The following MESD variants were observed in gnomAD, a reference collection of about 807,000 sequenced individuals.
MESD encodes the protein mesoderm development LRP chaperone.
Under a neutral mutation model 12.9 loss-of-function variants are expected in MESD, and 7 were observed. The ratio of observed to expected loss-of-function variants is 0.54; its 90% CI spans 0.31 to 1.02. The LOEUF (loss-of-function observed/expected upper bound fraction) is 1.02. MESD is among the 50% of genes least tolerant of loss of function. The probability of loss-of-function intolerance (pLI) is 0.05; values close to 1 mark genes in which losing one functional copy is unlikely to be tolerated. For synonymous variants in MESD, 126 were observed against 115.6 expected (o/e 1.09, Z -0.58); for missense variants, 342 against 296.7 (o/e 1.15, Z -1.12).
Position 80,981,997 on chromosome 15 carries a change from C to T in MESD, c.399G>A (p.Thr133=), listed in dbSNP as rs373617176. Residue 133 remains threonine (T), a synonymous_variant, in exon 2 of 3, where the codon ACG becomes ACA. Coordinates refer to ENST00000261758, the MANE Select transcript of MESD (RefSeq NM_015154.3). ...TGAAAAGGCTGCCCTGCCAGAGGCT[C>T]GTAATTTCCTCTGTCTCCTTCTCAG... The part of the protein sequence containing the change: ...SPTEKETEEI[T]SLWQGSLFNA... 43 of 1,614,048 alleles carry T rather than the reference C, an allele frequency of 2.7e-5. No individual in the cohort carries two copies. The highest frequency in any genetic ancestry group is 3.4e-5 in the Non-Finnish European group (40 of 1,180,040).
chr15:80,981,454 A>C (rs893307764), intron 2 of MESD, among the ~76,000 whole-genome samples: 109 of 151,056 alleles, frequency 7.2e-4, no homozygotes, highest in Admixed American at 1.2e-3. Context: ...AAAAAAAAAA[A>C]AACAAACTAG....
At chr15:80,981,876 C>A (rs1438281424) in intron 2 of MESD, 74 bp downstream of exon 2, 6 of 1,069,842 alleles carry the variant, frequency 5.6e-6, no homozygotes, top group African/African-American at 3.2e-5. Flanking sequence ...TCATCATCAT[C>A]ATAATTAATA....
chr15:80,964,150 G>A lies in MESD; in HGVS notation c.*289-11854C>T, dbSNP rs889892800. Among the ~76,000 whole-genome samples the A allele has an allele frequency of 1.1e-4, 16 of 152,240 alleles. No individual in the cohort carries two copies. In the East Asian group the frequency reaches 2.7e-3, roughly 26 times the overall value. On this transcript the variant is annotated intron_variant, in intron 3 of 4. Coordinates refer to the MESD transcript ENST00000561312. ...CAAAGTCTCAGTATACAAAATGAAC[G>A]TGCAAAAATCACAAGCATTCCTATA...
At chr15:80,951,465 G>A (rs1159723860) in intron 4 of MESD, 1 of 152,580 alleles carries the variant, frequency 6.6e-6, no homozygotes, top group South Asian at 2.1e-4. Context: ...GGAAAGCAAC[G>A]CTCCTCTGAA....
At chr15:80,954,219 C>T (rs539779659) in intron 3 of MESD, among the ~76,000 whole-genome samples, 2 of 152,304 alleles carry the variant, frequency 1.3e-5, no homozygotes, top group South Asian at 2.1e-4. Flanking sequence ...CTTGATATTG[C>T]GCCCCCTGTC....
At chr15:80,952,617 C>T (rs1254195039) in intron 3 of MESD, among the ~76,000 whole-genome samples, 1 of 149,210 alleles carries the variant, frequency 6.7e-6, no homozygotes, top group African/African-American at 2.5e-5. Context: ...AACTATGTCT[C>T]GTGTGTGTGT....
rs1240321364 is a variant in MESD, at chr15:80,989,776, A to C, written c.16T>G (p.Trp6Gly). The C allele has an allele frequency of 2.5e-6, 4 of 1,586,186 alleles. No individual in the cohort carries two copies. Among genetic ancestry groups the C allele is most frequent in the Non-Finnish European group, 8.5e-7 (1 of 1,173,412 alleles). Reference protein sequence around the residue: MAASRWARKAVVLLCA... With the variant: MAASRGARKAVVLLCA... ...AGCAGGACCACGGCCTTGCGCGCCC[A>C]CCTGGAAGCCGCCATTTTCGCTGCG... Residue 6 changes from tryptophan (W) to glycine (G), a missense_variant, in exon 1 of 3, where the codon TGG becomes GGG. Transcript: ENST00000261758.
intron 2 of MESD, among the ~76,000 whole-genome samples, chr15:80,981,679 A>G (rs898595434): frequency 2.0e-5 from 3 of 151,500 alleles, no homozygotes; most frequent in Non-Finnish European, 2.9e-5. Context: ...AACATGGTGA[A>G]ACCCTGTCTC....
At chr15:80,948,712 G>C in exon 5 of MESD, 1 of 1,580,574 alleles carries the variant, frequency 6.3e-7, no homozygotes, top group Non-Finnish European at 8.7e-7. Context: ...GGCGTGGGGG[G>C]CTGGCGATGG....
intron 3 of MESD, among the ~76,000 whole-genome samples, chr15:80,958,770 T>C (rs1047322398): frequency 6.6e-6 from 1 of 152,198 alleles, no homozygotes. Context: ...TTCAATGTGA[T>C]CAGGTTGGGA....
At position 80,979,207 on chromosome 15, in the gene MESD, A is replaced by T. The variant is rs772114599; in HGVS notation, c.*12T>A. ...TCCACCTGTCCCCCCACAGCGCGTC[A>T]CTGCTGCCCCATCACAGGTCTTCTC... On this transcript the variant is annotated 3_prime_UTR_variant, in exon 3 of 3. Coordinates refer to ENST00000261758, the MANE Select transcript of MESD (RefSeq NM_015154.3). 6.2e-7 allele frequency: 1 copy of T among 1,610,440 alleles called. No homozygotes were observed. Among genetic ancestry groups the T allele is most frequent in the Admixed American group, 1.7e-5 (1 of 59,618 alleles).
chr15:80,974,599 C>T (rs1203800911), downstream of MESD, among the ~76,000 whole-genome samples: 1 of 122,302 alleles, frequency 8.2e-6, no homozygotes, highest in African/African-American at 3.3e-5. Flanking sequence ...TGTATCAGAG[C>T]TAAAAAAAAA....
downstream of MESD, among the ~76,000 whole-genome samples, chr15:80,972,432 TG>T (rs1238474017): frequency 6.6e-6 from 1 of 152,206 alleles, no homozygotes; most frequent in African/African-American, 2.4e-5. Context: ...CTGGGTCAGA[TG>T]CCCACCTCTG....
In MESD at chr15:80,979,144, C is replaced by T. The variant is rs113118472; in HGVS notation, c.*75G>A. ...CATCCGGTGTGCAGTTGCCTGAGAC[C>T]ACTCCCACCCCAGGAGCTGGGCAAA... is the stretch of plus-strand genomic sequence containing the variant. On this transcript the variant is annotated 3_prime_UTR_variant, in exon 3 of 3. Coordinates refer to ENST00000261758, the MANE Select transcript of MESD (RefSeq NM_015154.3). 67 of 1,543,198 alleles carry T rather than the reference C, an allele frequency of 4.3e-5. 1 individual carries two copies. In the African/African-American group the frequency reaches 8.4e-4, roughly 19 times the overall value.
chr15:80,971,467 G>T (rs1902287100), downstream of MESD, among the ~76,000 whole-genome samples: 1 of 152,092 alleles, frequency 6.6e-6, no homozygotes, highest in Non-Finnish European at 1.5e-5. Context: ...CAGTTAATAA[G>T]AATCCCCCTG....
At chr15:80,948,706 T>G in exon 5 of MESD, 2 of 1,559,910 alleles carry the variant, frequency 1.3e-6, no homozygotes, top group African/African-American at 1.4e-5. Context: ...CTGGTGGGCG[T>G]GGGGGGCTGG....
Position 80,989,639 on chromosome 15 carries a change from C to T in MESD, c.153G>A (p.Lys51=). Residue 51 remains lysine (K), a synonymous_variant, in exon 1 of 3, where the codon AAG becomes AAA. Transcript: ENST00000261758. ...CATTGTAATCGCGAATATCCTTCTT[C>T]TTCTTCCGGGGAGGTGGGGTAGACT... is the stretch of plus-strand genomic sequence containing the variant. ...PDESTPPPRK[K]KKDIRDYNDA... 1.2e-6 allele frequency: 2 copies of T among 1,614,046 alleles called. No homozygotes were observed. Among genetic ancestry groups the T allele is most frequent in the Non-Finnish European group, 1.7e-6 (2 of 1,180,034 alleles).
intron 4 of MESD, chr15:80,949,151 A>G: frequency 1.7e-6 from 1 of 599,564 alleles, no homozygotes; most frequent in South Asian, 1.9e-5. Context: ...CCAATGCTGG[A>G]AACATTCACT....
At position 80,979,452 on chromosome 15, in the gene MESD, T is replaced by C. The variant is rs773219081; in HGVS notation, c.472A>G (p.Ile158Val). The part of the protein sequence containing the change: ...QRFIVGSDRA[I>V]FMLRDGSYAW... Reference sequence around the variant, plus strand: ...TAGCTCCCATCGCGAAGCATGAAGATAGCACGGTCTGATCCCACAATGAAC... The same window carrying C: ...TAGCTCCCATCGCGAAGCATGAAGACAGCACGGTCTGATCCCACAATGAAC... Residue 158 changes from isoleucine (I) to valine (V), a missense_variant, in exon 3 of 3, where the codon ATC becomes GTC. Ile to Val is a conservative substitution (Grantham distance 29). Transcript: ENST00000261758. 5.0e-6 allele frequency: 8 copies of C among 1,614,106 alleles called. No individual in the cohort carries two copies. In the African/African-American group the frequency reaches 5.3e-5, roughly 11 times the overall value.
Sources: gnomAD v4.1 joint callset for allele counts (sites outside exome capture counted in the v4.1 genomes callset) on GRCh38, gnomAD v4.1.1 for gene constraint, MANE v1.5 for transcripts, NCBI Gene and HGNC (gene_info 2026-07-23, HGNC 2026-07-21) for gene names.